FUNDC1: variants seen among roughly 807,000 people sequenced by gnomAD.
FUNDC1 encodes the protein FUN14 domain-containing protein 1.
Under a neutral mutation model 14.5 loss-of-function variants are expected in FUNDC1, and 10 were observed. That is an observed-to-expected ratio of 0.69 (90% CI 0.43 to 1.17). The LOEUF (loss-of-function observed/expected upper bound fraction) is 1.17. Ranked by LOEUF, FUNDC1 falls within the 50% of genes most tolerant of loss-of-function variation. The pLI is 0.00. For synonymous variants in FUNDC1, 33 were observed against 39.7 expected, an observed-to-expected ratio of 0.83 and a Z score of 0.64; for missense variants, 115 against 113.8, an observed-to-expected ratio of 1.01 and a Z score of -0.05.
chrX:44,542,773 CCCAGA>C, intron 1 of FUNDC1, 27 bp downstream of exon 1: 1 of 1,158,157 alleles, frequency 8.6e-7, no homozygotes, highest in East Asian at 3.3e-5. Context: ...TGAGCCGCGT[CCCAGA>C]TACCACTTCG....
At chrX:44,530,076 G>C (rs1348651317) in intron 3 of FUNDC1, among the ~76,000 whole-genome samples, 1 of 111,854 alleles carries the variant, frequency 8.9e-6, no homozygotes, top group African/African-American at 3.2e-5. Context: ...CCCAAGTGGG[G>C]TTCAGGTACA....
At chrX:44,532,466 T>C (rs748826938) in intron 3 of FUNDC1, among the ~76,000 whole-genome samples, 3 of 106,048 alleles carry the variant, frequency 2.8e-5, no homozygotes, top group Admixed American at 1.0e-4. Flanking sequence ...GATCCTCTCA[T>C]ATGGGGATAG....
At chrX:44,536,809 T>C (rs2038951087) in intron 3 of FUNDC1, among the ~76,000 whole-genome samples, 1 of 111,881 alleles carries the variant, frequency 8.9e-6, no homozygotes, top group African/African-American at 3.2e-5. Context: ...TACTTGGCCC[T>C]TTGAATTATA....
intron 3 of FUNDC1, among the ~76,000 whole-genome samples, chrX:44,529,853 AAGAG>A (rs990062325): frequency 8.9e-6 from 1 of 111,927 alleles, no homozygotes; most frequent in Non-Finnish European, 1.9e-5. Context: ...TGCCTTAAAA[AAGAG>A]AGAGAGAGAT....
intron 1 of FUNDC1, 151 bp from the exon 2 acceptor site, chrX:44,542,252 A>G: frequency 1.1e-5 from 5 of 455,296 alleles, no homozygotes; most frequent in Middle Eastern, 6.2e-4. Flanking sequence ...ATTTAACTCA[A>G]TTCTTGAGAC....
chrX:44,539,789 C>T (rs967584719), intron 2 of FUNDC1, among the ~76,000 whole-genome samples: 1 of 111,181 alleles, frequency 9.0e-6, no homozygotes, highest in African/African-American at 3.3e-5. Flanking sequence ...GCCTCAGCCT[C>T]CTGAATAGCT....
At chrX:44,540,392 G>T (rs1328944487) in intron 2 of FUNDC1, among the ~76,000 whole-genome samples, 1 of 107,754 alleles carries the variant, frequency 9.3e-6, no homozygotes, top group Admixed American at 1.0e-4. Context: ...ACCAACACCT[G>T]GCTGTAATCC....
At chrX:44,538,343 T>C in intron 3 of FUNDC1, 124 bp downstream of exon 3, 2 of 511,058 alleles carry the variant, frequency 3.9e-6, no homozygotes, top group Non-Finnish European at 3.4e-6. Context: ...AGTATTTAAA[T>C]TGTTATCTTT....
At chrX:44,538,403 A>T (rs541351634) in intron 3 of FUNDC1, 64 bp downstream of exon 3, 2 of 828,942 alleles carry the variant, frequency 2.4e-6, no homozygotes. Context: ...CCATAAACTG[A>T]TGCCTAAAAG....
chrX:44,534,595 T>C, intron 3 of FUNDC1, among the ~76,000 whole-genome samples: 1 of 99,828 alleles, frequency 1.0e-5, no homozygotes, highest in Admixed American at 1.1e-4. Context: ...CCTATAAGCA[T>C]TAACTGAAAG....
chrX:44,527,148 T>TA, intron 4 of FUNDC1, 89 bp downstream of exon 4: 1 of 631,141 alleles, frequency 1.6e-6, no homozygotes, highest in Non-Finnish European at 2.2e-6. Flanking sequence ...AAGACAGTAA[T>TA]CCCCCCCGGT....
At chrX:44,526,206 G>A (rs2038901294) in intron 4 of FUNDC1, among the ~76,000 whole-genome samples, 1 of 111,299 alleles carries the variant, frequency 9.0e-6, no homozygotes, top group African/African-American at 3.3e-5. Context: ...TGAGGCGGGT[G>A]GATCATGAGG....
At position 44,542,786 on chromosome X, in the gene FUNDC1, T is replaced by A; in HGVS notation, c.28+19A>T. On this transcript the variant is annotated intron_variant, in intron 1 of 4. Coordinates refer to ENST00000378045, the MANE Select transcript of FUNDC1 (RefSeq NM_173794.4). ...TGTGAGCCGCGTCCCAGATACCACT[T>A]CGGGCCCTGGCCGCTCACCTTGGGG... is the stretch of plus-strand genomic sequence containing the variant. The A allele has an allele frequency of 2.6e-6, 3 of 1,164,616 alleles. No homozygotes were observed. Among genetic ancestry groups the A allele is most frequent in the Non-Finnish European group, 2.3e-6 (2 of 870,864 alleles).
chrX:44,535,586 C>T (rs936625058), intron 3 of FUNDC1, among the ~76,000 whole-genome samples: 1 of 99,190 alleles, frequency 1.0e-5, no homozygotes, highest in South Asian at 5.0e-4. Flanking sequence ...AGGAGAGTGG[C>T]GTGACCCTGG....
chrX:44,527,170 C>T, intron 4 of FUNDC1, 67 bp downstream of exon 4: 1 of 858,878 alleles, frequency 1.2e-6, no homozygotes, highest in Non-Finnish European at 1.6e-6. Context: ...ACATTTTCTG[C>T]TAAGGGATAC....
rs1170400351 is a variant in FUNDC1 at position 44,535,848 on chromosome X, T to TG, written c.261+2618dup. Among the ~76,000 whole-genome samples, 218 of 102,400 alleles carry TG rather than the reference T, an allele frequency of 2.1e-3. 2 individuals are homozygous for TG. Among genetic ancestry groups the TG allele is most frequent in the African/African-American group, 7.7e-3 (214 of 27,781 alleles). The allele number at this position is 102,400 out of a possible 115,157, so 88.9% of individuals were successfully genotyped here. A position where few individuals can be genotyped will look rare whatever the true frequency, so the allele number is the denominator to read the frequency against. ...TAAAAATACAAAAATTAGCCAGGCA[T>TG]GGTGGCAGGTGCCTGTAATCCCAGC... On this transcript the variant is annotated intron_variant, in intron 3 of 4. Coordinates refer to ENST00000378045, the MANE Select transcript of FUNDC1 (RefSeq NM_173794.4).
intron 3 of FUNDC1, among the ~76,000 whole-genome samples, chrX:44,529,601 G>T (rs866354539): frequency 9.0e-6 from 1 of 111,116 alleles, no homozygotes; most frequent in Non-Finnish European, 1.9e-5. Context: ...GTAAATAAAT[G>T]ATAACAAAGA....
At chrX:44,539,855 C>T (rs1450040978) in intron 2 of FUNDC1, among the ~76,000 whole-genome samples, 3 of 110,008 alleles carry the variant, frequency 2.7e-5, no homozygotes, top group Non-Finnish European at 3.8e-5. Flanking sequence ...TTAGTAGAGA[C>T]GGGGTTTCAC....
chrX:44,538,938 C>T (rs1407075515), intron 2 of FUNDC1, among the ~76,000 whole-genome samples: 5 of 111,268 alleles, frequency 4.5e-5, no homozygotes, highest in African/African-American at 9.8e-5. Context: ...CCCCCACCTT[C>T]GGCTCCAACC....
Sources: allele counts gnomAD v4.1 joint callset (sites outside exome capture counted in the v4.1 genomes callset), GRCh38; gene constraint gnomAD v4.1.1; transcripts MANE v1.5; gene names NCBI Gene and HGNC (gene_info 2026-07-23, HGNC 2026-07-21).